The following IGF2BP2 variants were observed in gnomAD, a reference collection of about 807,000 sequenced individuals.
The protein encoded by IGF2BP2 is insulin like growth factor 2 mRNA binding protein 2.
Under a neutral mutation model 75.8 loss-of-function variants are expected in IGF2BP2, and 17 were observed. That is an observed-to-expected ratio of 0.22 (90% confidence interval 0.15 to 0.34). IGF2BP2 has a LOEUF of 0.34. Among genes scored for constraint, IGF2BP2 ranks in the 10% least tolerant of loss-of-function variants. IGF2BP2 has a pLI of 1.00. For missense variants in IGF2BP2, 516 were observed against 772.4 expected (o/e 0.67, Z 3.93); for synonymous variants, 288 against 295.6 (o/e 0.97, Z 0.26).
chr3:185,751,186 A>C (rs1730916897), intron 2 of IGF2BP2, among the ~76,000 whole-genome samples: 1 of 152,228 alleles, frequency 6.6e-6, no homozygotes, highest in Non-Finnish European at 1.5e-5. Context: ...GCCTCCGGCC[A>C]AAAAATTGCT....
intron 2 of IGF2BP2, among the ~76,000 whole-genome samples, chr3:185,810,807 C>G (rs1297102929): frequency 1.3e-5 from 2 of 149,788 alleles, no homozygotes; most frequent in African/African-American, 4.9e-5. Context: ...AACTAAAAAA[C>G]AAACAAAAAA....
At chr3:185,740,588 A>G (rs995629268) in intron 2 of IGF2BP2, among the ~76,000 whole-genome samples, 1 of 152,008 alleles carries the variant, frequency 6.6e-6, no homozygotes, top group Non-Finnish European at 1.5e-5. Flanking sequence ...TTGAATACCT[A>G]CTCTATGTCA....
intron 2 of IGF2BP2, among the ~76,000 whole-genome samples, chr3:185,771,723 A>G (rs917331995): frequency 6.6e-6 from 1 of 152,068 alleles, no homozygotes; most frequent in African/African-American, 2.4e-5. Flanking sequence ...TACAGTTTGA[A>G]TAAGTAGTCT....
chr3:185,781,300 T>C (rs969632287), intron 2 of IGF2BP2, among the ~76,000 whole-genome samples: 1 of 152,182 alleles, frequency 6.6e-6, no homozygotes, highest in African/African-American at 2.4e-5. Flanking sequence ...TCAGCAATGA[T>C]AATCCATTAG....
At chr3:185,786,503 CTGG>C (rs964758516) in intron 2 of IGF2BP2, among the ~76,000 whole-genome samples, 7 of 152,308 alleles carry the variant, frequency 4.6e-5, no homozygotes, top group African/African-American at 1.7e-4. Flanking sequence ...ATTCCTTCTC[CTGG>C]CTCAGAAGCT....
rs1577991573 is a variant in IGF2BP2 at position 185,692,769 on chromosome 3, A to G, written c.341-7T>C. ...GTTTCTGTGTCTGTGTTGACTAGGG[A>G]AAAGGCAAAAACTACACTGTCATAG... On this transcript the variant is annotated splice_polypyrimidine_tract_variant and splice_region_variant and intron_variant, in intron 4 of 15. Transcript: ENST00000382199. 6.2e-7 allele frequency: 1 copy of G among 1,612,852 alleles called. No individual in the cohort carries two copies. The highest frequency in any genetic ancestry group is 1.1e-5 in the South Asian group (1 of 90,880).
intron 2 of IGF2BP2, among the ~76,000 whole-genome samples, chr3:185,805,978 T>G: frequency 6.6e-6 from 1 of 151,800 alleles, no homozygotes; most frequent in East Asian, 1.9e-4. Context: ...TTTCACCATG[T>G]TGGCCAGGCT....
At chr3:185,699,675 G>A (rs1410417173) in intron 2 of IGF2BP2, among the ~76,000 whole-genome samples, 1 of 151,988 alleles carries the variant, frequency 6.6e-6, no homozygotes, top group South Asian at 2.1e-4. Context: ...CACATTCTCT[G>A]CATCTTGCTT....
chr3:185,728,034 T>C (rs1727599504), intron 2 of IGF2BP2, among the ~76,000 whole-genome samples: 1 of 152,224 alleles, frequency 6.6e-6, no homozygotes, highest in Admixed American at 6.5e-5. Context: ...CGGAGATGAC[T>C]GTACCCTACA....
At chr3:185,762,543 A>AG (rs1732519043) in intron 2 of IGF2BP2, among the ~76,000 whole-genome samples, 1 of 151,778 alleles carries the variant, frequency 6.6e-6, no homozygotes, top group South Asian at 2.1e-4. Context: ...AAAAAAAAAA[A>AG]AAAAGAAAAG....
In IGF2BP2 at chr3:185,809,543, T is replaced by C. The variant is rs527664484; in HGVS notation, c.239+13610A>G. Reference sequence around the variant, plus strand: ...GACTCAGGAGCCTGAGGTGGGAGGATCACCTGAGCACTGGAAGATGAGGCT... The same window carrying C: ...GACTCAGGAGCCTGAGGTGGGAGGACCACCTGAGCACTGGAAGATGAGGCT... On this transcript the variant is annotated intron_variant, in intron 2 of 15. Coordinates refer to ENST00000382199, the MANE Select transcript of IGF2BP2 (RefSeq NM_006548.6). 4.6e-5 allele frequency among the ~76,000 whole-genome samples: 7 copies of C among 152,176 alleles called. No individual in the cohort carries two copies. The East Asian group carries it at 1.2e-3, about 25-fold the overall frequency.
intron 2 of IGF2BP2, among the ~76,000 whole-genome samples, chr3:185,763,249 G>T (rs1432191730): frequency 6.6e-6 from 1 of 151,968 alleles, no homozygotes; most frequent in African/African-American, 2.4e-5. Context: ...CTATCTGTGG[G>T]GTTTCTGTTT....
At chr3:185,688,435 T>TG (rs1464173292) in intron 6 of IGF2BP2, among the ~76,000 whole-genome samples, 1 of 152,178 alleles carries the variant, frequency 6.6e-6, no homozygotes, top group African/African-American at 2.4e-5. Context: ...CTCCGCCTCC[T>TG]GGGTTCAAGT....
chr3:185,706,171 C>T (rs1435925403), intron 2 of IGF2BP2, among the ~76,000 whole-genome samples: 2 of 152,164 alleles, frequency 1.3e-5, no homozygotes, highest in Non-Finnish European at 2.9e-5. Flanking sequence ...GAGTTTGGCA[C>T]CATCCTGGGC....
chr3:185,760,118 A>C (rs1732156888), intron 2 of IGF2BP2, among the ~76,000 whole-genome samples: 1 of 152,204 alleles, frequency 6.6e-6, no homozygotes, highest in Non-Finnish European at 1.5e-5. Flanking sequence ...TACAATGTTC[A>C]AATGTCCCCA....
intron 11 of IGF2BP2, among the ~76,000 whole-genome samples, 171 bp from the exon 12 acceptor site, chr3:185,657,573 TGTGAAG>T (rs1715660522): frequency 6.6e-6 from 1 of 152,186 alleles, no homozygotes; most frequent in African/African-American, 2.4e-5. Flanking sequence ...GCTCTGCAGG[TGTGAAG>T]CCTGAGGAAG....
In IGF2BP2 at chr3:185,716,982, C is replaced by A. The variant is rs1725737756; in HGVS notation, c.240-18635G>T. The A allele has an allele frequency of 8.3e-6, 3 of 363,362 alleles. No homozygotes were observed. The Admixed American group carries it at 1.1e-4, about 13-fold the overall frequency. The allele number at this position is 363,362 out of a possible 1,614,324, so 22.5% of individuals were successfully genotyped here. A position where few individuals can be genotyped will look rare whatever the true frequency, so the allele number is the denominator to read the frequency against. ...ATCCCACCACCCAGTACTGTACATG[C>A]TCAATGGATGACTATAAACAAGTGA... is the stretch of plus-strand genomic sequence containing the variant. On this transcript the variant is annotated intron_variant, in intron 2 of 15. Coordinates refer to ENST00000382199, the MANE Select transcript of IGF2BP2 (RefSeq NM_006548.6).
At chr3:185,797,180 T>C (rs1347100580) in intron 2 of IGF2BP2, among the ~76,000 whole-genome samples, 1 of 152,168 alleles carries the variant, frequency 6.6e-6, no homozygotes, top group Non-Finnish European at 1.5e-5. Context: ...CAACTACTTA[T>C]AAAAAGCTTC....
chr3:185,730,277 A>T (rs1291013034), intron 2 of IGF2BP2, among the ~76,000 whole-genome samples: 1 of 152,142 alleles, frequency 6.6e-6, no homozygotes, highest in Non-Finnish European at 1.5e-5. Flanking sequence ...TGCAAGAGAA[A>T]TAATTTCATT....
Sources: allele counts gnomAD v4.1 joint callset (sites outside exome capture counted in the v4.1 genomes callset), GRCh38; gene constraint gnomAD v4.1.1; transcripts MANE v1.5; gene names NCBI Gene and HGNC (gene_info 2026-07-23, HGNC 2026-07-21).